The following BAZ2B variants were observed in gnomAD, a reference collection of about 807,000 sequenced individuals.
BAZ2B encodes bromodomain adjacent to zinc finger domain 2B.
BAZ2B carries 91 observed loss-of-function variants against 246.0 expected under a neutral mutation model. The ratio of observed to expected loss-of-function variants is 0.37; its 90% CI spans 0.31 to 0.44. The LOEUF (loss-of-function observed/expected upper bound fraction) is 0.44, where lower values mean the gene tolerates loss of function less well. BAZ2B is among the 20% of genes least tolerant of loss of function. BAZ2B has a pLI of 1.00. For missense variants in BAZ2B, 2,332 were observed against 2,533.7 expected (o/e 0.92, Z 1.71); for synonymous variants, 855 against 860.0 (o/e 0.99, Z 0.10).
At chr2:159,445,731 G>T (rs1423757905) in intron 6 of BAZ2B, among the ~76,000 whole-genome samples, 1 of 152,092 alleles carries the variant, frequency 6.6e-6, no homozygotes, top group Non-Finnish European at 1.5e-5. Flanking sequence ...GGATCTCCTG[G>T]ATACCACCAG....
intron 27 of BAZ2B, among the ~76,000 whole-genome samples, chr2:159,360,933 C>T (rs952111142): frequency 3.9e-5 from 6 of 152,136 alleles, no homozygotes; most frequent in Non-Finnish European, 7.3e-5. Flanking sequence ...TTCCTTACAC[C>T]TTATACGAAA....
intron 2 of BAZ2B, among the ~76,000 whole-genome samples, chr2:159,517,766 A>G (rs942951488): frequency 4.5e-4 from 68 of 152,188 alleles, no homozygotes; most frequent in Admixed American, 2.0e-4. Context: ...ATCTCAGAAC[A>G]GGTCTCATTA....
chr2:159,399,839 T>A (rs1044315050), intron 17 of BAZ2B, among the ~76,000 whole-genome samples: 1 of 152,144 alleles, frequency 6.6e-6, no homozygotes, highest in Non-Finnish European at 1.5e-5. Flanking sequence ...TTTTCACTCT[T>A]TTAGATGGAA....
At chr2:159,690,324 G>C in the BAZ2B span, 179 of 213,900 alleles carry the variant, frequency 8.4e-4, no homozygotes, top group Middle Eastern at 0.031. Flanking sequence ...CTGCCGTGGT[G>C]CTGCTCATAG....
chr2:159,628,478 A>T, the BAZ2B span, among the ~76,000 whole-genome samples: 1 of 152,220 alleles, frequency 6.6e-6, no homozygotes, highest in Non-Finnish European at 1.5e-5. Flanking sequence ...AGATATATAG[A>T]CCAATGAAAC....
chr2:159,566,778 C>A (rs1403366133), intron 1 of BAZ2B, among the ~76,000 whole-genome samples: 2 of 152,088 alleles, frequency 1.3e-5, no homozygotes, highest in Non-Finnish European at 2.9e-5. Flanking sequence ...TTTAACTTTT[C>A]CCGCTCTAAT....
At chr2:159,440,695 G>C (rs922290929) in intron 6 of BAZ2B, among the ~76,000 whole-genome samples, 1 of 151,880 alleles carries the variant, frequency 6.6e-6, no homozygotes, top group Non-Finnish European at 1.5e-5. Flanking sequence ...ATTTTTAGTA[G>C]AGACGGGGTT....
Position 159,604,363 on chromosome 2 carries a change from C to T in BAZ2B, c.-46+11879G>A, listed in dbSNP as rs1416768947. On this transcript the variant is annotated intron_variant, in intron 1 of 36. Transcript: ENST00000392783. ...CCTCCAGCGATGTTCCCACCTCAGC[C>T]TCTCGAGTAGCTGGGATTACAGGTG... Among the ~76,000 whole-genome samples, 3 of 152,068 alleles carry T rather than the reference C, an allele frequency of 2.0e-5. No individual in the cohort carries two copies. The East Asian group carries it at 5.8e-4, about 29-fold the overall frequency.
intron 18 of BAZ2B, among the ~76,000 whole-genome samples, chr2:159,397,839 T>C (rs1392677885): frequency 8.6e-6 from 1 of 116,820 alleles, no homozygotes; most frequent in Non-Finnish European, 2.0e-5. Context: ...TCAAATATAC[T>C]CTATAATTAA....
intron 20 of BAZ2B, among the ~76,000 whole-genome samples, chr2:159,392,639 C>T (rs2063491473): frequency 6.6e-6 from 1 of 152,070 alleles, no homozygotes; most frequent in South Asian, 2.1e-4. Context: ...CTTTCCTCTC[C>T]CACTGGTCTC....
chr2:159,465,479 T>C (rs1489814115), intron 3 of BAZ2B, among the ~76,000 whole-genome samples: 2 of 152,222 alleles, frequency 1.3e-5, no homozygotes, highest in East Asian at 1.9e-4. Flanking sequence ...CTTGAACATA[T>C]TAACTTTCTC....
chr2:159,592,253 T>G (rs1689572958), intron 1 of BAZ2B, among the ~76,000 whole-genome samples: 1 of 152,262 alleles, frequency 6.6e-6, no homozygotes, highest in Non-Finnish European at 1.5e-5. Flanking sequence ...CTTCCGTAGA[T>G]TTACTAAGTA....
intron 1 of BAZ2B, among the ~76,000 whole-genome samples, chr2:159,562,000 T>C (rs902257239): frequency 2.6e-5 from 4 of 152,210 alleles, no homozygotes; most frequent in African/African-American, 9.6e-5. Context: ...AAAGCTGCAA[T>C]TTGCTTTACT....
At chr2:159,524,339 C>T (rs566869619) in intron 2 of BAZ2B, among the ~76,000 whole-genome samples, 1 of 152,174 alleles carries the variant, frequency 6.6e-6, no homozygotes, top group Admixed American at 6.5e-5. Flanking sequence ...CCTGTTGTCG[C>T]AGCTACTCAG....
At chr2:159,627,785 T>C in the BAZ2B span, among the ~76,000 whole-genome samples, 1 of 152,064 alleles carries the variant, frequency 6.6e-6, no homozygotes, top group African/African-American at 2.4e-5. Flanking sequence ...CTCTCACCTC[T>C]CCTGTTCAAC....
chr2:159,482,910 A>C (rs1191994628), intron 2 of BAZ2B, among the ~76,000 whole-genome samples: 1 of 152,294 alleles, frequency 6.6e-6, no homozygotes, highest in East Asian at 1.9e-4. Flanking sequence ...AGAACCATCT[A>C]TTCCTAGATT....
chr2:159,333,849 TATCA>T (rs947727278), intron 33 of BAZ2B, among the ~76,000 whole-genome samples: 63 of 152,248 alleles, frequency 4.1e-4, no homozygotes, highest in African/African-American at 1.4e-3. Flanking sequence ...AACAAATGTT[TATCA>T]AATGTATATA....
At chr2:159,697,995 CATATGAA>C in the BAZ2B span, among the ~76,000 whole-genome samples, 1 of 152,108 alleles carries the variant, frequency 6.6e-6, no homozygotes, top group African/African-American at 2.4e-5. Flanking sequence ...TTTGTTTTTT[CATATGAA>C]ATATGGAATT....
chr2:159,414,830 T>A (rs946255841), intron 13 of BAZ2B, among the ~76,000 whole-genome samples: 21 of 141,496 alleles, frequency 1.5e-4, no homozygotes, highest in East Asian at 6.2e-4. Flanking sequence ...AAAAAAAAAA[T>A]ATTCTCATGT....
Sources: allele counts gnomAD v4.1 joint callset (sites outside exome capture counted in the v4.1 genomes callset), GRCh38; gene constraint gnomAD v4.1.1; transcripts MANE v1.5; gene names NCBI Gene and HGNC (gene_info 2026-07-23, HGNC 2026-07-21).